AACS: variants seen among roughly 807,000 people sequenced by gnomAD.
The protein encoded by AACS is acetoacetyl-CoA synthetase, also known as acetoacetate-CoA ligase.
Under a neutral mutation model 83.1 loss-of-function variants are expected in AACS, and 69 were observed. The ratio of observed to expected loss-of-function variants is 0.83; its 90% CI spans 0.68 to 1.01. The LOEUF (loss-of-function observed/expected upper bound fraction) is 1.01, where lower values mean the gene tolerates loss of function less well. Ranked by LOEUF, AACS falls within the 50% of genes least tolerant of loss-of-function variation. AACS has a pLI of 0.00. For synonymous variants in AACS, 333 were observed against 343.4 expected, an observed-to-expected ratio of 0.97 and a Z score of 0.33; for missense variants, 866 against 882.2, an observed-to-expected ratio of 0.98 and a Z score of 0.23.
chr12:125,135,139 T>C (rs988538605), intron 16 of AACS, among the ~76,000 whole-genome samples: 5 of 147,190 alleles, frequency 3.4e-5, no homozygotes, highest in African/African-American at 1.2e-4. Flanking sequence ...TATCTACTCT[T>C]TTTTTTTTTT....
At position 125,113,416 on chromosome 12, in the gene AACS, C is replaced by T. The variant is rs541968887; in HGVS notation, c.916-1061C>T. Among the ~76,000 whole-genome samples, 111 of 152,322 alleles carry T rather than the reference C, an allele frequency of 7.3e-4. No individual in the cohort carries two copies. The highest frequency in any genetic ancestry group is 2.3e-3 in the African/African-American group (97 of 41,572). On this transcript the variant is annotated intron_variant, in intron 8 of 17. Transcript: ENST00000316519. This position sits in a 1 kb window ranked among gnomAD's most constrained non-coding sequence, Gnocchi z 4.8. ...CCCCGTCTGTCCTCAGGATCTTGTACGAGATCCGTTGGAAAGACAGGAAAA... is the reference window on the plus strand; with the variant it reads ...CCCCGTCTGTCCTCAGGATCTTGTATGAGATCCGTTGGAAAGACAGGAAAA...
intron 10 of AACS, among the ~76,000 whole-genome samples, chr12:125,119,225 G>A (rs1957111586): frequency 1.3e-5 from 2 of 152,142 alleles, no homozygotes; most frequent in African/African-American, 2.4e-5. Flanking sequence ...CACCTGAAAT[G>A]GACTCTCTTA....
At chr12:125,098,714 G>T (rs12371384) in intron 5 of AACS, among the ~76,000 whole-genome samples, 3 of 152,082 alleles carry the variant, frequency 2.0e-5, no homozygotes, top group African/African-American at 7.2e-5. Flanking sequence ...TGGCCTCCCG[G>T]TGTTGGGTGT....
chr12:125,093,327 G>C (rs181785121), intron 5 of AACS, among the ~76,000 whole-genome samples: 171 of 152,348 alleles, frequency 1.1e-3, no homozygotes, highest in Non-Finnish European at 1.4e-3. Context: ...CTGAGGCCAG[G>C]GGGTGGAGAG....
Position 125,142,533 on chromosome 12 carries a change from G to A in AACS, c.*304G>A. On this transcript the variant is annotated 3_prime_UTR_variant, in exon 18 of 18. Transcript: ENST00000316519. ...GGGAACGGTGGGGCTGGCTGGTGCT[G>A]AAGACAGACACACTCCTGAGCCAAG... 1 of 308,302 alleles carries A rather than the reference G, an allele frequency of 3.2e-6. No individual in the cohort carries two copies. The highest frequency in any genetic ancestry group is 6.1e-6 in the Non-Finnish European group (1 of 164,398). The allele number at this position is 308,302 out of a possible 1,614,324, so 19.1% of individuals were successfully genotyped here. A position where few individuals can be genotyped will look rare whatever the true frequency, so the allele number is the denominator to read the frequency against.
intron 7 of AACS, among the ~76,000 whole-genome samples, chr12:125,103,784 C>T (rs7308792): frequency 0.033 from 4,954 of 151,834 alleles, 169 homozygotes; most frequent in East Asian, 0.094. Context: ...GTCAGGAGAT[C>T]GAGACCATCC....
intron 1 of AACS, among the ~76,000 whole-genome samples, chr12:125,072,411 C>T (rs957060045): frequency 6.6e-6 from 1 of 152,216 alleles, no homozygotes; most frequent in Non-Finnish European, 1.5e-5. Flanking sequence ...GGGCTGGGAA[C>T]AGTGAGGATG....
chr12:125,134,644 G>A (rs1345412807), intron 15 of AACS, 150 bp from the exon 16 acceptor site: 1 of 765,728 alleles, frequency 1.3e-6, no homozygotes, highest in Non-Finnish European at 2.2e-6. Flanking sequence ...AGAGCCGGGT[G>A]GTAGGGCAAG....
chr12:125,076,662 G>A (rs746503499), intron 3 of AACS, 51 bp downstream of exon 3: 11 of 1,609,014 alleles, frequency 6.8e-6, no homozygotes, highest in Non-Finnish European at 9.3e-6. Flanking sequence ...GTTCTAGATG[G>A]TGCATGCATG....
Position 125,076,482 on chromosome 12 carries a change from T to A in AACS, c.238-9T>A, listed in dbSNP as rs1210269708. The A allele has an allele frequency of 1.2e-6, 2 of 1,613,110 alleles. No individual in the cohort carries two copies. Among genetic ancestry groups the A allele is most frequent in the South Asian group, 1.1e-5 (1 of 90,976 alleles). On this transcript the variant is annotated splice_polypyrimidine_tract_variant and intron_variant, in intron 2 of 17. Transcript: ENST00000316519. The stretch of plus-strand genomic sequence containing the variant: ...TGTGTGCGTCTTGGTTTGTTGTCAT[T>A]CTCTATAGGTTGTGGACACATCGAA...
At chr12:125,089,897 T>A (rs1283057474) in intron 4 of AACS, among the ~76,000 whole-genome samples, 1 of 137,230 alleles carries the variant, frequency 7.3e-6, no homozygotes. Context: ...CATCTACCCA[T>A]TTACCCATTA....
intron 3 of AACS, among the ~76,000 whole-genome samples, chr12:125,079,513 C>G (rs1956114254): frequency 6.6e-6 from 1 of 152,210 alleles, no homozygotes; most frequent in Admixed American, 6.5e-5. Context: ...TCCTGAGTAG[C>G]TGGGATCACA....
At chr12:125,080,257 C>T (rs1956139041) in intron 3 of AACS, among the ~76,000 whole-genome samples, 1 of 152,116 alleles carries the variant, frequency 6.6e-6, no homozygotes, top group African/African-American at 2.4e-5. Context: ...TGCTTTAACC[C>T]AATGTCTCAG....
chr12:125,069,920 T>C (rs7310762), intron 1 of AACS, among the ~76,000 whole-genome samples: 3,750 of 152,308 alleles, frequency 0.025, 161 homozygotes, highest in African/African-American at 0.085. Context: ...AGTACTGCAC[T>C]GTTGTATGAC....
At chr12:125,080,470 G>GTC (rs112615927) in intron 3 of AACS, among the ~76,000 whole-genome samples, 28,988 of 149,266 alleles carry the variant, frequency 0.19, 3,240 homozygotes, top group African/African-American at 0.32. Flanking sequence ...TGGGTGGGGT[G>GTC]TCTCTCTCTC....
intron 3 of AACS, among the ~76,000 whole-genome samples, chr12:125,085,250 G>A (rs986389274): frequency 1.3e-5 from 2 of 152,240 alleles, no homozygotes; most frequent in Non-Finnish European, 2.9e-5. Context: ...CCACACATAT[G>A]CACATTGCAT....
In AACS at chr12:125,143,045, C is replaced by T. The variant is rs1359084269; in HGVS notation, c.*816C>T. 1 of 152,242 alleles carries T rather than the reference C, an allele frequency of 6.6e-6. No individual in the cohort carries two copies. Among genetic ancestry groups the T allele is most frequent in the Non-Finnish European group, 1.5e-5 (1 of 68,050 alleles). The allele number at this position is 152,242 out of a possible 1,614,324, so 9.4% of individuals were successfully genotyped here. On this transcript the variant is annotated 3_prime_UTR_variant, in exon 18 of 18. Coordinates refer to ENST00000316519, the MANE Select transcript of AACS (RefSeq NM_023928.5). ...ACCAGGAACCGCATCCCTGTGCTGCCTCCACCTGAGAGTTGCTAGGGGGTT... is the reference window on the plus strand; with the variant it reads ...ACCAGGAACCGCATCCCTGTGCTGCTTCCACCTGAGAGTTGCTAGGGGGTT...
At chr12:125,079,789 G>A (rs565650692) in intron 3 of AACS, among the ~76,000 whole-genome samples, 2 of 152,238 alleles carry the variant, frequency 1.3e-5, no homozygotes, top group East Asian at 3.9e-4. Context: ...AGGTTATGCA[G>A]CCACCACCCC....
chr12:125,114,451 C>T (rs1565945277), intron 8 of AACS, 26 bp from the exon 9 acceptor site: 2 of 1,607,056 alleles, frequency 1.2e-6, no homozygotes, highest in East Asian at 2.2e-5. Flanking sequence ...ACAGAGAGCA[C>T]CCGCTCCCCC....
Sources: allele counts gnomAD v4.1 joint callset (sites outside exome capture counted in the v4.1 genomes callset), GRCh38; gene constraint gnomAD v4.1.1; non-coding constraint Gnocchi (gnomAD v3.1); transcripts MANE v1.5; gene names NCBI Gene and HGNC (gene_info 2026-07-23, HGNC 2026-07-21).